Variants in LEKR1 observed in about 807,000 individuals in gnomAD.
LEKR1 encodes the protein leucine, glutamate and lysine rich 1.
A neutral mutation model predicts 72.4 loss-of-function variants in LEKR1; 59 were observed. The ratio of observed to expected loss-of-function variants is 0.82; its 90% confidence interval spans 0.66 to 1.01. The LOEUF (loss-of-function observed/expected upper bound fraction) is 1.01. LEKR1 is among the 50% of genes least tolerant of loss of function. LEKR1 has a pLI of 0.00. For missense variants in LEKR1, 728 were observed against 759.2 expected (o/e 0.96, Z 0.48); for synonymous variants, 257 against 263.2 (o/e 0.98, Z 0.23).
At chr3:156,870,911 T>C (rs1411386787) in intron 3 of LEKR1, among the ~76,000 whole-genome samples, 2 of 152,176 alleles carry the variant, frequency 1.3e-5, no homozygotes, top group Non-Finnish European at 2.9e-5. Flanking sequence ...ATACTTTTTC[T>C]GCATTAATTG....
chr3:156,866,885 C>A (rs1001670225), intron 3 of LEKR1, among the ~76,000 whole-genome samples: 2 of 152,044 alleles, frequency 1.3e-5, no homozygotes, highest in African/African-American at 4.8e-5. Flanking sequence ...ACCCTGCATA[C>A]TGTCCTTCAT....
At chr3:156,953,625 T>C (rs1727369128) in intron 6 of LEKR1, among the ~76,000 whole-genome samples, 1 of 151,938 alleles carries the variant, frequency 6.6e-6, no homozygotes, top group Non-Finnish European at 1.5e-5. Context: ...GGTGTTTGGT[T>C]TTCTGTTCCT....
At chr3:156,850,010 C>G (rs932118594) in intron 2 of LEKR1, among the ~76,000 whole-genome samples, 1 of 152,124 alleles carries the variant, frequency 6.6e-6, no homozygotes, top group Non-Finnish European at 1.5e-5. Flanking sequence ...ACCTACTCAT[C>G]TGACAAAGGG....
intron 3 of LEKR1, among the ~76,000 whole-genome samples, chr3:156,919,259 C>T (rs1021418540): frequency 2.0e-5 from 3 of 152,142 alleles, no homozygotes; most frequent in Non-Finnish European, 2.9e-5. Context: ...GAAGTGTTTA[C>T]GAGAGAACTA....
chr3:156,827,151 A>G (rs954091467), intron 1 of LEKR1: 4 of 152,270 alleles, frequency 2.6e-5, no homozygotes, highest in Admixed American at 2.0e-4. Flanking sequence ...CCCTGTTGCC[A>G]AAAGGGAAAG....
intron 7 of LEKR1, among the ~76,000 whole-genome samples, chr3:156,982,934 G>A (rs1730359047): frequency 6.6e-6 from 1 of 151,918 alleles, no homozygotes; most frequent in South Asian, 2.1e-4. Flanking sequence ...AGGTAGCATA[G>A]AGAAAGGTCT....
At chr3:157,005,346 A>G (rs1313305655) in intron 9 of LEKR1, among the ~76,000 whole-genome samples, 7 of 152,134 alleles carry the variant, frequency 4.6e-5, no homozygotes, top group Non-Finnish European at 1.0e-4. Context: ...TCCAGCCCAG[A>G]GGTTTTACTG....
chr3:156,926,527 T>A (rs930034478), intron 4 of LEKR1, among the ~76,000 whole-genome samples: 1 of 152,000 alleles, frequency 6.6e-6, no homozygotes, highest in Admixed American at 6.6e-5. Flanking sequence ...TTGGCTTATC[T>A]TCTTACTCAC....
intron 3 of LEKR1, among the ~76,000 whole-genome samples, chr3:156,857,575 G>A (rs1716225195): frequency 6.6e-6 from 1 of 152,106 alleles, no homozygotes; most frequent in Non-Finnish European, 1.5e-5. Context: ...ATACATACCA[G>A]TTGAGCATCT....
chr3:156,851,005 A>G (rs1461280566), intron 2 of LEKR1, among the ~76,000 whole-genome samples: 1 of 152,224 alleles, frequency 6.6e-6, no homozygotes, highest in African/African-American at 2.4e-5. Flanking sequence ...CTAAGGTTGC[A>G]TTAGAACGTA....
intron 3 of LEKR1, among the ~76,000 whole-genome samples, chr3:156,876,859 T>G (rs1398055683): frequency 1.3e-5 from 2 of 152,228 alleles, no homozygotes; most frequent in Non-Finnish European, 2.9e-5. Context: ...TAGTACTATG[T>G]TGAATAGAAG....
rs374952179 is a variant in LEKR1, at chr3:156,970,861, C to T, written c.746-8333C>T. On this transcript the variant is annotated intron_variant, in intron 6 of 12. Coordinates refer to ENST00000356539, the MANE Select transcript of LEKR1 (RefSeq NM_001004316.3). ...AAGAGGATACAAACAAATGGAAGAA[C>T]ATTCCATGCTCATGGGTAGGAAGAA... 8.3e-4 allele frequency among the ~76,000 whole-genome samples: 127 copies of T among 152,136 alleles called. 3 individuals are homozygous for T. The East Asian group carries it at 0.022, about 26-fold the overall frequency.
chr3:156,932,896 G>A (rs557072335), intron 5 of LEKR1, among the ~76,000 whole-genome samples: 1 of 152,150 alleles, frequency 6.6e-6, no homozygotes, highest in East Asian at 1.9e-4. Flanking sequence ...CAGGCGTGGT[G>A]GCGGGCACCT....
chr3:156,895,026 A>G (rs1337530460), intron 3 of LEKR1, among the ~76,000 whole-genome samples: 1 of 152,208 alleles, frequency 6.6e-6, no homozygotes, highest in Admixed American at 6.5e-5. Context: ...ACAAAATAAA[A>G]ATTTGATAAA....
Position 157,011,562 on chromosome 3 carries a change from G to T in LEKR1, c.1203+56G>T. 2.4e-6 allele frequency: 3 copies of T among 1,235,712 alleles called. No homozygotes were observed. In the South Asian group the frequency reaches 3.7e-5, roughly 15 times the overall value. The allele number at this position is 1,235,712 out of a possible 1,614,324, so 76.5% of individuals were successfully genotyped here. On this transcript the variant is annotated intron_variant, in intron 10 of 12. Coordinates refer to ENST00000356539, the MANE Select transcript of LEKR1 (RefSeq NM_001004316.3). ...AACCTATTTGCATTTTAAAAATTCT[G>T]ACCATTTGTCAGAAGACTCTTCCGG...
rs566526752 is a variant in LEKR1 at position 156,952,525 on chromosome 3, G to A, written c.745+9811G>A. 4.0e-5 allele frequency among the ~76,000 whole-genome samples: 6 copies of A among 151,356 alleles called. No homozygotes were observed. In the South Asian group the frequency reaches 1.0e-3, roughly 26 times the overall value. On this transcript the variant is annotated intron_variant, in intron 6 of 12. Coordinates refer to ENST00000356539, the MANE Select transcript of LEKR1 (RefSeq NM_001004316.3). ...ATCAATAAAAAACGAAACTACTAAG[G>A]TAGTGATTTTCATGTATCAGATTAA...
At chr3:156,938,001 G>T (rs1420035120) in intron 5 of LEKR1, among the ~76,000 whole-genome samples, 1 of 151,854 alleles carries the variant, frequency 6.6e-6, no homozygotes, top group African/African-American at 2.4e-5. Flanking sequence ...GGTAGCCAGG[G>T]ATTAGGGATG....
chr3:156,977,055 C>T (rs1372666711), intron 6 of LEKR1, among the ~76,000 whole-genome samples: 1 of 152,180 alleles, frequency 6.6e-6, no homozygotes, highest in African/African-American at 2.4e-5. Context: ...CTCTGAAGTT[C>T]CCATCCTTGA....
At chr3:156,963,507 C>A (rs930519135) in intron 6 of LEKR1, among the ~76,000 whole-genome samples, 1 of 152,116 alleles carries the variant, frequency 6.6e-6, no homozygotes, top group African/African-American at 2.4e-5. Flanking sequence ...CCCCATACTC[C>A]CACCCTCTTG....
Sources: gnomAD v4.1 joint callset for allele counts (sites outside exome capture counted in the v4.1 genomes callset) on GRCh38, gnomAD v4.1.1 for gene constraint, MANE v1.5 for transcripts, NCBI Gene and HGNC (gene_info 2026-07-23, HGNC 2026-07-21) for gene names.